The following ANK3 variants were observed in gnomAD, a reference collection of about 807,000 sequenced individuals.
The protein encoded by ANK3 is ankyrin 3.
In ANK3, 57 loss-of-function variants were observed where a neutral mutation model predicts 370.9. The ratio of observed to expected loss-of-function variants is 0.15; its 90% CI spans 0.12 to 0.19. ANK3 has a LOEUF of 0.19. Ranked by LOEUF, ANK3 falls within the 10% of genes least tolerant of loss-of-function variation. The probability of loss-of-function intolerance (pLI) is 1.00; values close to 1 mark genes in which losing one functional copy is unlikely to be tolerated. For missense variants in ANK3, 4,439 were observed against 5,302.1 expected (o/e 0.84, Z 5.06); for synonymous variants, 1,929 against 1,946.3 (o/e 0.99, Z 0.23).
intron 1 of ANK3, among the ~76,000 whole-genome samples, chr10:60,651,759 A>G (rs1337739318): frequency 6.6e-6 from 1 of 152,098 alleles, no homozygotes; most frequent in African/African-American, 2.4e-5. Flanking sequence ...ATGAAGACTT[A>G]TATTTGTGGT....
intron 1 of ANK3, among the ~76,000 whole-genome samples, chr10:60,306,821 T>C (rs2045240660): frequency 6.6e-6 from 1 of 152,200 alleles, no homozygotes; most frequent in African/African-American, 2.4e-5. Flanking sequence ...TGAACAAGCA[T>C]AAAGACTTAG....
chr10:60,340,005 G>A (rs576433282), intron 1 of ANK3, among the ~76,000 whole-genome samples: 2 of 152,302 alleles, frequency 1.3e-5, no homozygotes, highest in East Asian at 3.9e-4. Flanking sequence ...CATGCAATAG[G>A]AAGCTGCAGC....
intron 2 of ANK3, among the ~76,000 whole-genome samples, chr10:60,453,676 T>A (rs1339019158): frequency 1.3e-5 from 2 of 152,114 alleles, no homozygotes; most frequent in African/African-American, 4.8e-5. Context: ...GGACCTTTTT[T>A]TTGACACTGG....
At chr10:60,581,418 C>CTTT (rs56317709) in intron 2 of ANK3, among the ~76,000 whole-genome samples, 2 of 123,486 alleles carry the variant, frequency 1.6e-5, no homozygotes, top group African/African-American at 3.1e-5. Context: ...GTATTTTGCC[C>CTTT]TTTTTTTTTT....
At chr10:60,279,245 G>A in intron 2 of ANK3, 97 bp from the exon 3 acceptor site, 1 of 1,046,172 alleles carries the variant, frequency 9.6e-7, no homozygotes. Flanking sequence ...AGTCCCACCT[G>A]ATGATCACTT....
intron 1 of ANK3, among the ~76,000 whole-genome samples, chr10:60,289,060 G>A (rs2040708311): frequency 6.6e-6 from 1 of 152,222 alleles, no homozygotes; most frequent in East Asian, 1.9e-4. Flanking sequence ...GTAGGTTACT[G>A]TGAAAATATG....
At chr10:60,201,742 C>T (rs896375825) in intron 12 of ANK3, among the ~76,000 whole-genome samples, 3 of 146,582 alleles carry the variant, frequency 2.0e-5, no homozygotes, top group Non-Finnish European at 4.5e-5. Context: ...GACAGAGTCT[C>T]ACTCTGTTGC....
At chr10:60,226,613 C>A (rs1382183810) in intron 8 of ANK3, among the ~76,000 whole-genome samples, 7 of 101,512 alleles carry the variant, frequency 6.9e-5, no homozygotes, top group African/African-American at 1.5e-4. Context: ...TAATCAAAAG[C>A]AAAAGTCACT....
chr10:60,206,722 G>T (rs1423997917), intron 10 of ANK3, among the ~76,000 whole-genome samples: 3 of 152,134 alleles, frequency 2.0e-5, no homozygotes. Context: ...GAATCATTTT[G>T]TTTACTATTT....
chr10:60,615,286 C>T (rs1044536074), intron 1 of ANK3: 100 of 1,225,484 alleles, frequency 8.2e-5, no homozygotes, highest in Non-Finnish European at 9.7e-5. Context: ...TTTACCATGA[C>T]GGTGATTTAC....
intron 2 of ANK3, among the ~76,000 whole-genome samples, chr10:60,602,355 G>T (rs2078075593): frequency 6.6e-6 from 1 of 151,956 alleles, no homozygotes; most frequent in Non-Finnish European, 1.5e-5. Context: ...TAGTCATTTG[G>T]CATCTTCTGT....
intron 38 of ANK3, 94 bp from the exon 39 acceptor site, chr10:60,064,382 G>C: frequency 1.6e-6 from 2 of 1,288,124 alleles, no homozygotes; most frequent in Non-Finnish European, 2.1e-6. Context: ...AAAGAAAAGG[G>C]AATTTTATAG....
chr10:60,619,026 C>T (rs2078300661), intron 1 of ANK3, among the ~76,000 whole-genome samples: 1 of 152,040 alleles, frequency 6.6e-6, no homozygotes, highest in African/African-American at 2.4e-5. Flanking sequence ...TAAAATTACC[C>T]AGGCCATCCT....
At chr10:60,611,521 G>C (rs1357273383) in intron 2 of ANK3, among the ~76,000 whole-genome samples, 1 of 152,052 alleles carries the variant, frequency 6.6e-6, no homozygotes, top group African/African-American at 2.4e-5. Context: ...CCCACTTTTA[G>C]TCAGCCTCAT....
intron 1 of ANK3, among the ~76,000 whole-genome samples, chr10:60,676,334 A>G (rs1027157028): frequency 6.6e-6 from 1 of 152,178 alleles, no homozygotes; most frequent in Non-Finnish European, 1.5e-5. Context: ...TGTCCGTTAA[A>G]TTTTAAAATA....
intron 1 of ANK3, among the ~76,000 whole-genome samples, chr10:60,691,693 T>C (rs1468450310): frequency 6.6e-6 from 1 of 152,212 alleles, no homozygotes; most frequent in Admixed American, 6.5e-5. Context: ...ATTATACCTC[T>C]TGCATGACTA....
At chr10:60,499,691 C>T (rs1276078236) in intron 2 of ANK3, among the ~76,000 whole-genome samples, 1 of 152,164 alleles carries the variant, frequency 6.6e-6, no homozygotes, top group Non-Finnish European at 1.5e-5. Context: ...CAGAATGCCA[C>T]ATTACTAAGA....
intron 2 of ANK3, among the ~76,000 whole-genome samples, chr10:60,589,326 T>TA (rs1404190904): frequency 1.3e-5 from 2 of 152,172 alleles, no homozygotes; most frequent in Middle Eastern, 3.2e-3. Context: ...TTTTCCATGA[T>TA]AAAAAGTTTA....
rs536176927 is a variant in ANK3, at chr10:60,344,547, C to G, written c.114+44878G>C. Reference sequence around the variant, plus strand: ...TCTGCATCCCCAAGGTATTCCCACGCACACGGGCCATTATAAAGAACACTC... The same window carrying G: ...TCTGCATCCCCAAGGTATTCCCACGGACACGGGCCATTATAAAGAACACTC... On this transcript the variant is annotated intron_variant, in intron 1 of 43. Transcript: ENST00000280772. Among the ~76,000 whole-genome samples, 171 of 152,220 alleles carry G rather than the reference C, an allele frequency of 1.1e-3. 1 individual carries two copies. Among genetic ancestry groups the G allele is most frequent in the African/African-American group, 3.9e-3 (164 of 41,556 alleles).
Sources: allele counts gnomAD v4.1 joint callset (sites outside exome capture counted in the v4.1 genomes callset), GRCh38; gene constraint gnomAD v4.1.1; transcripts MANE v1.5; gene names NCBI Gene and HGNC (gene_info 2026-07-23, HGNC 2026-07-21).